CREB5: variants seen among roughly 807,000 people sequenced by gnomAD.
CREB5 encodes cAMP responsive element binding protein 5.
A neutral mutation model predicts 57.1 loss-of-function variants in CREB5; 19 were observed. The ratio of observed to expected loss-of-function variants is 0.33; its 90% CI spans 0.23 to 0.49. CREB5 has a LOEUF of 0.49. Ranked by LOEUF, CREB5 falls within the 20% of genes least tolerant of loss-of-function variation. CREB5 has a pLI of 0.99. For synonymous variants in CREB5, 238 were observed against 238.3 expected, an observed-to-expected ratio of 1.00 and a Z score of 0.01; for missense variants, 579 against 671.6, an observed-to-expected ratio of 0.86 and a Z score of 1.52.
At chr7:28,427,145 TA>T (rs1490911836) in intron 1 of CREB5, among the ~76,000 whole-genome samples, 3 of 152,232 alleles carry the variant, frequency 2.0e-5, no homozygotes, top group African/African-American at 7.2e-5. Context: ...AAGAGTCTTA[TA>T]ACCCTAAGGA....
intron 5 of CREB5, among the ~76,000 whole-genome samples, chr7:28,619,787 G>A (rs1275301658): frequency 6.6e-6 from 1 of 152,144 alleles, no homozygotes; most frequent in Non-Finnish European, 1.5e-5. Flanking sequence ...CAAGTCTTGT[G>A]GGGAGCAGAG....
At chr7:28,676,208 C>G (rs1800315357) in intron 5 of CREB5, among the ~76,000 whole-genome samples, 1 of 149,640 alleles carries the variant, frequency 6.7e-6, no homozygotes, top group African/African-American at 2.5e-5. Context: ...TTTTCAGGTT[C>G]ACTGCCTCTT....
chr7:28,671,583 T>C (rs1382130708), intron 5 of CREB5, among the ~76,000 whole-genome samples: 1 of 152,182 alleles, frequency 6.6e-6, no homozygotes, highest in African/African-American at 2.4e-5. Flanking sequence ...TAGTCGCCAG[T>C]CAACATGTGA....
intron 5 of CREB5, among the ~76,000 whole-genome samples, chr7:28,626,935 C>T (rs1424334040): frequency 6.6e-6 from 1 of 152,194 alleles, no homozygotes; most frequent in Non-Finnish European, 1.5e-5. Flanking sequence ...GGATGTGATA[C>T]AGGGGTTTTT....
upstream of CREB5, among the ~76,000 whole-genome samples, chr7:28,409,162 C>G (rs1351571289): frequency 6.6e-6 from 1 of 151,582 alleles, no homozygotes; most frequent in African/African-American, 2.4e-5. The surrounding 1 kb of genome is among the most constrained non-coding windows in gnomAD (Gnocchi z 4.4). Context: ...GCTGCCGCTC[C>G]CGGGCGGGTG....
chr7:28,724,291 G>T lies in CREB5; in HGVS notation c.661G>T (p.Ala221Ser), dbSNP rs1324100365. The T allele has an allele frequency of 1.2e-6, 2 of 1,613,830 alleles. No individual in the cohort carries two copies. The highest frequency in any genetic ancestry group is 2.2e-5 in the South Asian group (2 of 91,070). ...MQGPNLSNPCASPQVQPMHSE... is the reference protein window; with the variant it reads ...MQGPNLSNPCSSPQVQPMHSE... ...AGGTCCAAATCTCAGCAACCCCTGTGCTTCTCCCCAGGTCCAGCCAATGCA... is the reference window on the plus strand; with the variant it reads ...AGGTCCAAATCTCAGCAACCCCTGTTCTTCTCCCCAGGTCCAGCCAATGCA... The change falls in exon 7 of 11, where the codon GCT becomes TCT. Residue 221 changes from alanine to serine, a missense_variant. Around this residue, in one of 3 missense-constraint regions of CREB5, gnomAD observed 459 missense variants for 515.7 expected, o/e 0.89. Transcript: ENST00000357727.
At position 28,685,274 on chromosome 7, in the gene CREB5, T is replaced by C. The variant is rs527912550; in HGVS notation, c.465-33479T>C. ...TCAGAAAGGCAAGTTTTGTGTTTTG[T>C]GGCTGGGGTCTTTTTCCTTTAGCAC... On this transcript the variant is annotated intron_variant, in intron 5 of 10. Coordinates refer to ENST00000357727, the MANE Select transcript of CREB5 (RefSeq NM_182898.4). Among the ~76,000 whole-genome samples, 6 of 152,310 alleles carry C rather than the reference T, an allele frequency of 3.9e-5. No individual in the cohort carries two copies. In the East Asian group the frequency reaches 9.7e-4, roughly 25 times the overall value.
Position 28,366,004 on chromosome 7 carries a change from T to C in CREB5, c.-25+66563T>C, listed in dbSNP as rs564467088. 1.4e-4 allele frequency among the ~76,000 whole-genome samples: 22 copies of C among 152,340 alleles called. No individual in the cohort carries two copies. In the East Asian group the frequency reaches 3.7e-3, roughly 25 times the overall value. ...AAACTGTTATATGGTTCTTTTTAAA[T>C]GTGCCCAGTGAAATCTAAACACCAT... On this transcript the variant is annotated intron_variant, in intron 1 of 9. Transcript: ENST00000396299.
At chr7:28,760,463 T>C (rs188385580) in intron 7 of CREB5, among the ~76,000 whole-genome samples, 1 of 152,176 alleles carries the variant, frequency 6.6e-6, no homozygotes, top group Non-Finnish European at 1.5e-5. Context: ...CCTGCCAAAG[T>C]TTTTTCTTCA....
chr7:28,408,478 G>A (rs62451110), upstream of CREB5, among the ~76,000 whole-genome samples: 146 of 152,312 alleles, frequency 9.6e-4, no homozygotes, highest in Non-Finnish European at 9.1e-4. Context: ...CTGCAGACCA[G>A]GCGCCCGGAT....
chr7:28,783,518 CA>C (rs1226447987), intron 7 of CREB5, among the ~76,000 whole-genome samples: 1 of 152,138 alleles, frequency 6.6e-6, no homozygotes, highest in Non-Finnish European at 1.5e-5. Flanking sequence ...AAACCAAATG[CA>C]TGCATTATAA....
chr7:28,747,071 A>C (rs1360986073), intron 7 of CREB5, among the ~76,000 whole-genome samples: 1 of 150,920 alleles, frequency 6.6e-6, no homozygotes, highest in Non-Finnish European at 1.5e-5. Flanking sequence ...CATTTAGAAA[A>C]ACTAGAAACA....
chr7:28,484,678 T>A (rs1039712646), intron 1 of CREB5, among the ~76,000 whole-genome samples: 1 of 152,206 alleles, frequency 6.6e-6, no homozygotes, highest in African/African-American at 2.4e-5. Context: ...TGATACAGAC[T>A]CACTTATGTT....
At chr7:28,740,984 C>T (rs990906993) in intron 7 of CREB5, among the ~76,000 whole-genome samples, 1 of 145,414 alleles carries the variant, frequency 6.9e-6, no homozygotes, top group African/African-American at 2.5e-5. Context: ...AACGTATTAC[C>T]TGGCCATGCA....
At chr7:28,560,962 G>GCGC (rs1761788956) in intron 4 of CREB5, among the ~76,000 whole-genome samples, 1 of 45,944 alleles carries the variant, frequency 2.2e-5, no homozygotes, top group Non-Finnish European at 4.0e-5. Context: ...GTGTGTGTGC[G>GCGC]TGTGTGTGTG....
chr7:28,567,968 A>C (rs1795548180), intron 4 of CREB5, among the ~76,000 whole-genome samples: 2 of 152,200 alleles, frequency 1.3e-5, no homozygotes, highest in African/African-American at 4.8e-5. Context: ...TGCTGTGTGT[A>C]ATGTGATCAC....
intron 5 of CREB5, among the ~76,000 whole-genome samples, chr7:28,582,004 T>C (rs184299232): frequency 7.2e-5 from 11 of 152,342 alleles, no homozygotes; most frequent in Admixed American, 1.3e-4. Context: ...TTTGGGTGAA[T>C]GCCCCTGTAC....
At chr7:28,811,580 A>C (rs1809122662) in intron 9 of CREB5, among the ~76,000 whole-genome samples, 1 of 152,118 alleles carries the variant, frequency 6.6e-6, no homozygotes, top group African/African-American at 2.4e-5. Context: ...TATCTTGCCC[A>C]GGCTGGTCTC....
At chr7:28,319,158 T>G (rs1229647763) in intron 1 of CREB5, among the ~76,000 whole-genome samples, 1 of 151,986 alleles carries the variant, frequency 6.6e-6, no homozygotes, top group African/African-American at 2.4e-5. Context: ...AAGGAAAAAC[T>G]CCAGTGGAGG....
Sources: gnomAD v4.1 joint callset for allele counts (sites outside exome capture counted in the v4.1 genomes callset) on GRCh38, gnomAD v4.1.1 for gene constraint, gnomAD v4.1.1 regional missense constraint, Gnocchi (gnomAD v3.1) non-coding constraint, MANE v1.5 for transcripts, NCBI Gene and HGNC (gene_info 2026-07-23, HGNC 2026-07-21) for gene names.